PTPN14: variants seen among roughly 807,000 people sequenced by gnomAD.
The protein encoded by PTPN14 is tyrosine-protein phosphatase non-receptor type 14.
A neutral mutation model predicts 126.8 loss-of-function variants in PTPN14; 53 were observed. The ratio of observed to expected loss-of-function variants is 0.42; its 90% CI spans 0.34 to 0.53. The LOEUF is 0.53. PTPN14 is among the 20% of genes least tolerant of loss of function. The probability of loss-of-function intolerance (pLI) is 0.08; values close to 1 mark genes in which losing one functional copy is unlikely to be tolerated. For synonymous variants in PTPN14, 630 were observed against 599.3 expected (o/e 1.05, Z -0.75); for missense variants, 1,257 against 1,552.9 (o/e 0.81, Z 3.20).
At chr1:214,412,826 G>A (rs370646289) in intron 4 of PTPN14, among the ~76,000 whole-genome samples, 7 of 152,306 alleles carry the variant, frequency 4.6e-5, no homozygotes, top group African/African-American at 1.4e-4. Flanking sequence ...TAATGATTGA[G>A]TAGTGAGAGG....
chr1:214,464,563 T>A, intron 2 of PTPN14, 67 bp downstream of exon 2: 1 of 1,562,940 alleles, frequency 6.4e-7, no homozygotes, highest in Non-Finnish European at 8.7e-7. Context: ...GTCCCTTCGG[T>A]GAGTTCTCCT....
chr1:214,451,816 TTGC>T lies in PTPN14; in HGVS notation c.330_332del (p.Gln111del). The stretch of plus-strand genomic sequence containing the variant: ...GAAAATGCACCTACCTTGTGGCCTC[TTGC>T]TGAAGCCATGACACATTTGGCACAT... On this transcript the variant is annotated inframe_deletion, in exon 3 of 19. Transcript: ENST00000366956. The T allele has an allele frequency of 6.2e-7, 1 of 1,614,140 alleles. No individual in the cohort carries two copies. The highest frequency in any genetic ancestry group is 8.5e-7 in the Non-Finnish European group (1 of 1,180,016).
At chr1:214,377,434 A>AT (rs552825729) in intron 14 of PTPN14, among the ~76,000 whole-genome samples, 1 of 152,190 alleles carries the variant, frequency 6.6e-6, no homozygotes, top group Non-Finnish European at 1.5e-5. Flanking sequence ...ACTGGGCTTA[A>AT]TACCTGGGTG....
At chr1:214,387,370 G>A (rs1452555397) in intron 11 of PTPN14, among the ~76,000 whole-genome samples, 3 of 152,166 alleles carry the variant, frequency 2.0e-5, no homozygotes, top group Admixed American at 6.5e-5. Context: ...AAATTAGCCA[G>A]GCATGGTGGC....
chr1:214,408,339 T>C (rs926644395), intron 5 of PTPN14, among the ~76,000 whole-genome samples: 17 of 152,162 alleles, frequency 1.1e-4, no homozygotes, highest in African/African-American at 4.1e-4. Context: ...TGTTGATTGG[T>C]TAGAGCTGTT....
intron 1 of PTPN14, among the ~76,000 whole-genome samples, chr1:214,470,174 A>G (rs2102659821): frequency 6.6e-6 from 1 of 152,264 alleles, no homozygotes; most frequent in African/African-American, 2.4e-5. Context: ...CTGTAGTCTC[A>G]GCTACTTGGG....
chr1:214,359,562 C>T (rs185282720), intron 18 of PTPN14, among the ~76,000 whole-genome samples: 1 of 152,124 alleles, frequency 6.6e-6, no homozygotes, highest in East Asian at 1.9e-4. Flanking sequence ...CTCTGTAGCC[C>T]AGGCTAGAGT....
At chr1:214,408,161 CA>C (rs1659214125) in intron 5 of PTPN14, among the ~76,000 whole-genome samples, 1 of 152,194 alleles carries the variant, frequency 6.6e-6, no homozygotes, top group South Asian at 2.1e-4. Context: ...TCTGATTTTG[CA>C]AACTTCCTAT....
At chr1:214,511,673 T>C (rs1267324729) in intron 1 of PTPN14, among the ~76,000 whole-genome samples, 5 of 152,286 alleles carry the variant, frequency 3.3e-5, no homozygotes, top group East Asian at 1.9e-4. Flanking sequence ...TTTCTGAGTA[T>C]AGACCCAAAA....
At chr1:214,536,817 A>C (rs1353186789) in intron 1 of PTPN14, among the ~76,000 whole-genome samples, 2 of 152,240 alleles carry the variant, frequency 1.3e-5, no homozygotes, top group African/African-American at 2.4e-5. Flanking sequence ...TATTAGGTTG[A>C]TGTCAAAGTA....
chr1:214,384,359 G>C lies in PTPN14; in HGVS notation c.1496C>G (p.Pro499Arg). 1 of 1,614,186 alleles carries C rather than the reference G, an allele frequency of 6.2e-7. No individual in the cohort carries two copies. The highest frequency in any genetic ancestry group is 8.5e-7 in the Non-Finnish European group (1 of 1,180,046). ...EMRERHPYTV[P>R]YGPQGVYSNK... ...GCTGTAGACCCCCTGTGGCCCATAA[G>C]GGACAGTGTAGGGGTGCCTCTCCCG... Residue 499 changes from proline to arginine, a missense_variant, in exon 13 of 19, where the codon CCT becomes CGT. Pro to Arg is a moderately radical substitution (Grantham distance 103, BLOSUM62 -2). Around this residue, in one of 3 missense-constraint regions of PTPN14, gnomAD observed 1,021 missense variants for 1,183.3 expected, o/e 0.86. Transcript: ENST00000366956. The surrounding 1 kb of genome is among the most constrained non-coding windows in gnomAD (Gnocchi z 5.3).
chr1:214,377,943 C>T lies in PTPN14; in HGVS notation c.2688+16G>A. 1 of 1,607,346 alleles carries T rather than the reference C, an allele frequency of 6.2e-7. No homozygotes were observed. The highest frequency in any genetic ancestry group is 8.5e-7 in the Non-Finnish European group (1 of 1,177,182). ...GACTACAGAGAATGAGTCACATTGA[C>T]AAGCCTGCCACTTACCCTCTCGTCC... On this transcript the variant is annotated intron_variant, in intron 14 of 18. Coordinates refer to ENST00000366956, the MANE Select transcript of PTPN14 (RefSeq NM_005401.5).
At chr1:214,376,118 G>T in intron 15 of PTPN14, 101 bp downstream of exon 15, 2 of 1,136,404 alleles carry the variant, frequency 1.8e-6, no homozygotes, top group Non-Finnish European at 2.5e-6. Flanking sequence ...CTGGGGACAA[G>T]CCAAAAGGTA....
chr1:214,507,535 C>T (rs1037040372), intron 1 of PTPN14, among the ~76,000 whole-genome samples: 78 of 152,300 alleles, frequency 5.1e-4, no homozygotes, highest in African/African-American at 1.8e-3. Flanking sequence ...AACAATGAAA[C>T]TACAAATCAG....
At chr1:214,447,479 T>C (rs912400057) in intron 3 of PTPN14, among the ~76,000 whole-genome samples, 1 of 152,234 alleles carries the variant, frequency 6.6e-6, no homozygotes, top group Non-Finnish European at 1.5e-5. Context: ...TCTTGCTGAA[T>C]CACACCTGAT....
At chr1:214,466,011 C>T (rs558472160) in intron 1 of PTPN14, among the ~76,000 whole-genome samples, 2 of 120,740 alleles carry the variant, frequency 1.7e-5, no homozygotes, top group South Asian at 2.7e-4. Flanking sequence ...GGCTGGAGTG[C>T]AGTGGTGCAA....
At position 214,505,831 on chromosome 1, in the gene PTPN14, G is replaced by A. The variant is rs527560692; in HGVS notation, c.-154-40874C>T. On this transcript the variant is annotated intron_variant, in intron 1 of 18. Coordinates refer to ENST00000366956, the MANE Select transcript of PTPN14 (RefSeq NM_005401.5). Reference sequence around the variant, plus strand: ...GGATCACTTGAGTCTGGGAGTTTGAGGCTGCAGTAAGTTATGATTGTGCCA... The same window carrying A: ...GGATCACTTGAGTCTGGGAGTTTGAAGCTGCAGTAAGTTATGATTGTGCCA... Among the ~76,000 whole-genome samples, 4 of 152,294 alleles carry A rather than the reference G, an allele frequency of 2.6e-5. No homozygotes were observed. In the East Asian group the frequency reaches 7.7e-4, roughly 29 times the overall value.
intron 1 of PTPN14, among the ~76,000 whole-genome samples, chr1:214,468,264 C>T (rs1302838167): frequency 5.9e-5 from 9 of 152,002 alleles, no homozygotes; most frequent in Non-Finnish European, 1.3e-4. Context: ...TTTGCAAAAC[C>T]AACACATACG....
intron 4 of PTPN14, among the ~76,000 whole-genome samples, chr1:214,412,445 A>C (rs182170223): frequency 6.6e-6 from 1 of 152,330 alleles, no homozygotes; most frequent in African/African-American, 2.4e-5. Flanking sequence ...ATAGGATGAG[A>C]GGATACACAC....
Sources: allele counts gnomAD v4.1 joint callset (sites outside exome capture counted in the v4.1 genomes callset), GRCh38; gene constraint gnomAD v4.1.1; regional missense constraint gnomAD v4.1.1; non-coding constraint Gnocchi (gnomAD v3.1); transcripts MANE v1.5; gene names NCBI Gene and HGNC (gene_info 2026-07-23, HGNC 2026-07-21).